The following RXFP1 variants were observed in gnomAD, a reference collection of about 807,000 sequenced individuals.
The protein encoded by RXFP1 is relaxin family peptide receptor 1, also known as relaxin receptor 1.
RXFP1 carries 73 observed loss-of-function variants against 89.8 expected under a neutral mutation model. That is an observed-to-expected ratio of 0.81 (90% CI 0.67 to 0.99). The LOEUF is 0.99. Among genes scored for constraint, RXFP1 ranks in the 50% least tolerant of loss-of-function variants. The probability of loss-of-function intolerance (pLI) is 0.00; values close to 1 mark genes in which losing one functional copy is unlikely to be tolerated. For missense variants in RXFP1, 793 were observed against 895.5 expected, an observed-to-expected ratio of 0.89 and a Z score of 1.46; for synonymous variants, 277 against 305.5, an observed-to-expected ratio of 0.91 and a Z score of 0.97.
At chr4:158,548,517 C>T (rs1749156268) in intron 1 of RXFP1, among the ~76,000 whole-genome samples, 2 of 152,090 alleles carry the variant, frequency 1.3e-5, no homozygotes, top group South Asian at 2.1e-4. Context: ...TTATTTTGCT[C>T]GTTAGTTGAT....
intron 1 of RXFP1, chr4:158,544,344 C>T (rs373596549): frequency 1.0e-6 from 1 of 985,238 alleles, no homozygotes. Flanking sequence ...AGCATCTCAT[C>T]CTTGCACTGA....
intron 1 of RXFP1, among the ~76,000 whole-genome samples, chr4:158,547,307 AT>A (rs1748721656): frequency 6.6e-6 from 1 of 151,914 alleles, no homozygotes; most frequent in African/African-American, 2.4e-5. Context: ...GCCCTTTATC[AT>A]TTTTTATTGC....
chr4:158,540,582 G>A (rs191328374), intron 1 of RXFP1, among the ~76,000 whole-genome samples: 13 of 150,330 alleles, frequency 8.6e-5, no homozygotes, highest in Middle Eastern at 3.4e-3. Flanking sequence ...CTCATCCTGT[G>A]ACTAAGAATG....
At position 158,521,973 on chromosome 4, in the gene RXFP1, G is replaced by C; in HGVS notation, c.-4G>C. The C allele has an allele frequency of 6.2e-7, 1 of 1,607,336 alleles. No individual in the cohort carries two copies. Among genetic ancestry groups the C allele is most frequent in the Non-Finnish European group, 8.5e-7 (1 of 1,175,722 alleles). ...TCATTAATCAGTTGCTCAGATAGAA[G>C]GAAATGACATCTGGTTCTGTCTTCT... On this transcript the variant is annotated 5_prime_UTR_variant, in exon 1 of 18. Transcript: ENST00000307765.
intron 6 of RXFP1, among the ~76,000 whole-genome samples, chr4:158,608,389 G>A (rs1762935842): frequency 7.7e-6 from 1 of 130,130 alleles, no homozygotes; most frequent in African/African-American, 3.1e-5. Flanking sequence ...CCAGGTTCAA[G>A]CAATTCTCTG....
intron 9 of RXFP1, among the ~76,000 whole-genome samples, chr4:158,625,012 CA>C (rs1766415740): frequency 6.6e-6 from 1 of 152,080 alleles, no homozygotes; most frequent in Non-Finnish European, 1.5e-5. Context: ...TAATAGAAAA[CA>C]GTTACGTAAG....
chr4:158,599,420 T>A lies in RXFP1; in HGVS notation c.381T>A (p.Asn127Lys). The change falls in exon 4 of 18, where the codon AAT becomes AAA. Residue 127 changes from asparagine (N) to lysine (K), a missense_variant. Asn to Lys is a moderately conservative substitution (Grantham distance 94). Coordinates refer to ENST00000307765, the MANE Select transcript of RXFP1 (RefSeq NM_021634.4). ...NLRAVPSVSS[N>K]VTAMSLQWNL... Reference sequence around the variant, plus strand: ...GAGCTGTTCCATCGGTTTCTTCAAATGTGACTGCAATGTAAGTAGAAAAGA... The same window carrying A: ...GAGCTGTTCCATCGGTTTCTTCAAAAGTGACTGCAATGTAAGTAGAAAAGA... 1 of 1,613,344 alleles carries A rather than the reference T, an allele frequency of 6.2e-7. No homozygotes were observed. Among genetic ancestry groups the A allele is most frequent in the Non-Finnish European group, 8.5e-7 (1 of 1,179,516 alleles).
At chr4:158,610,487 T>C (rs1763369587) in intron 6 of RXFP1, 1 of 386,674 alleles carries the variant, frequency 2.6e-6, no homozygotes, top group African/African-American at 2.1e-5. Flanking sequence ...TCCTGTTCTC[T>C]AGAAGTTTAT....
chr4:158,600,277 A>G (rs1004731244), intron 4 of RXFP1, among the ~76,000 whole-genome samples: 3 of 152,212 alleles, frequency 2.0e-5, no homozygotes, highest in African/African-American at 7.2e-5. Flanking sequence ...AAACCACATA[A>G]TACAGCAATT....
rs558841078 is a variant in RXFP1, at chr4:158,549,502, G to C, written c.50-23196G>C. Among the ~76,000 whole-genome samples, 8 of 152,304 alleles carry C rather than the reference G, an allele frequency of 5.3e-5. No individual in the cohort carries two copies. In the East Asian group the frequency reaches 5.8e-4, roughly 11 times the overall value. On this transcript the variant is annotated intron_variant, in intron 1 of 17. Coordinates refer to ENST00000307765, the MANE Select transcript of RXFP1 (RefSeq NM_021634.4). ...TGTTCCGTTGCTAGTGAGGAGCTGC[G>C]TTCCTTTGGAGGAGGAGAGGCGCTC...
intron 5 of RXFP1, chr4:158,607,213 T>TGGAGGAAATGA: frequency 1.0e-6 from 1 of 960,988 alleles, no homozygotes; most frequent in Non-Finnish European, 1.6e-6. Context: ...TCCTTTGACC[T>TGGAGGAAATGA]CCAGTTAACT....
Position 158,599,377 on chromosome 4 carries a change from G to A in RXFP1, c.338G>A (p.Cys113Tyr). The A allele has an allele frequency of 1.2e-6, 2 of 1,613,820 alleles. No homozygotes were observed. The highest frequency in any genetic ancestry group is 1.7e-6 in the Non-Finnish European group (2 of 1,179,846). Residue 113 changes from cysteine (C) to tyrosine (Y), a missense_variant, in exon 4 of 18, where the codon TGT (cysteine) becomes TAT (tyrosine). Coordinates refer to ENST00000307765, the MANE Select transcript of RXFP1 (RefSeq NM_021634.4). ...QCLCQGLELD[C>Y]DETNLRAVPS... ...CTTTGCCAAGGTCTGGAGCTTGACT[G>A]TGATGAAACCAATTTACGAGCTGTT... is the stretch of plus-strand genomic sequence containing the variant.
intron 1 of RXFP1, among the ~76,000 whole-genome samples, chr4:158,527,564 A>AAAAAAATATATATATATATATATAT (rs5741905): frequency 1.0e-5 from 1 of 98,338 alleles, no homozygotes; most frequent in African/African-American, 3.5e-5. Context: ...AAAAAAAAAA[A>AAAAAAATATATATATATATATATAT]ATATATATAT....
At chr4:158,542,093 ATATATATATATATATATTTT>A (rs1400068353) in intron 1 of RXFP1, among the ~76,000 whole-genome samples, 1 of 37,666 alleles carries the variant, frequency 2.7e-5, no homozygotes, top group African/African-American at 7.4e-5. Context: ...ATATATATAT[ATATATATATATATATATTTT>A]TTTTTTAGTA....
At chr4:158,528,759 A>G (rs903928272) in intron 1 of RXFP1, among the ~76,000 whole-genome samples, 1 of 152,226 alleles carries the variant, frequency 6.6e-6, no homozygotes, top group Non-Finnish European at 1.5e-5. Context: ...AACTTTGCCA[A>G]CTTCTCAGGA....
intron 6 of RXFP1, among the ~76,000 whole-genome samples, chr4:158,611,147 G>C (rs546710794): frequency 1.3e-5 from 2 of 152,322 alleles, no homozygotes; most frequent in South Asian, 4.1e-4. Flanking sequence ...ATAGGAAGTA[G>C]ATCCTGATAC....
intron 2 of RXFP1, among the ~76,000 whole-genome samples, chr4:158,581,599 G>C (rs1294826337): frequency 6.6e-6 from 1 of 152,164 alleles, no homozygotes; most frequent in Non-Finnish European, 1.5e-5. Flanking sequence ...ATAATAGTAT[G>C]AATAATGAGT....
intron 1 of RXFP1, among the ~76,000 whole-genome samples, chr4:158,570,385 A>G (rs1293982666): frequency 6.6e-6 from 1 of 152,174 alleles, no homozygotes; most frequent in African/African-American, 2.4e-5. Context: ...GAAAACTCAC[A>G]TGGTGAAGCT....
intron 2 of RXFP1, among the ~76,000 whole-genome samples, chr4:158,592,936 A>AAAT (rs1759797979): frequency 6.6e-6 from 1 of 151,892 alleles, no homozygotes; most frequent in Non-Finnish European, 1.5e-5. Context: ...AAAAAAAAAA[A>AAAT]AATTAACCAG....
Sources: gnomAD v4.1 joint callset for allele counts (sites outside exome capture counted in the v4.1 genomes callset) on GRCh38, gnomAD v4.1.1 for gene constraint, MANE v1.5 for transcripts, NCBI Gene and HGNC (gene_info 2026-07-23, HGNC 2026-07-21) for gene names.